The following PFKL variants were observed in gnomAD, a reference collection of about 807,000 sequenced individuals.
PFKL encodes the protein phosphofructokinase, liver type.
PFKL carries 74 observed loss-of-function variants against 92.1 expected under a neutral mutation model. That is an observed-to-expected ratio of 0.80 (90% CI 0.67 to 0.97). PFKL has a LOEUF of 0.97. PFKL is among the 50% of genes least tolerant of loss of function. PFKL has a pLI of 0.00. For synonymous variants in PFKL, 494 were observed against 456.4 expected, an observed-to-expected ratio of 1.08 and a Z score of -1.05; for missense variants, 1,028 against 1,116.6, an observed-to-expected ratio of 0.92 and a Z score of 1.13.
Position 44,323,026 on chromosome 21 carries a change from C to G in PFKL, c.1474C>G (p.Leu492Val), listed in dbSNP as rs1436614793. 1 of 1,613,158 alleles carries G rather than the reference C, an allele frequency of 6.2e-7. No individual in the cohort carries two copies. The highest frequency in any genetic ancestry group is 8.5e-7 in the Non-Finnish European group (1 of 1,179,648). ...ENIRIYGIHA[L>V]LVVGGFEAYE... ...CATCCGCATCTATGGTATTCACGCC[C>G]TGCTGGTGGTCGGTGGGTTTGAGGT... The change falls in exon 15 of 22, where the codon CTG becomes GTG. Residue 492 changes from leucine (L) to valine (V), a missense_variant. Transcript: ENST00000349048.
intron 7 of PFKL, chr21:44,314,754 G>T (rs2047153963): frequency 6.6e-6 from 1 of 152,472 alleles, no homozygotes; most frequent in African/African-American, 2.4e-5. Flanking sequence ...CCCTTGGTGG[G>T]GTGGGGCTCA....
chr21:44,307,842 G>A (rs549559049), intron 2 of PFKL, among the ~76,000 whole-genome samples: 3 of 152,334 alleles, frequency 2.0e-5, no homozygotes, highest in African/African-American at 4.8e-5. Context: ...CCACCTGCTC[G>A]ACCTTCAGTT....
At position 44,325,178 on chromosome 21, in the gene PFKL, A is replaced by G. The variant is rs1265525886; in HGVS notation, c.1903A>G (p.Thr635Ala). Residue 635 changes from threonine (T) to alanine (A), a missense_variant, in exon 19 of 22, where the codon ACC becomes GCC. By Grantham distance (58) the Thr-to-Ala change is moderately conservative. Coordinates refer to ENST00000349048, the MANE Select transcript of PFKL (RefSeq NM_002626.6). ...LRNEKCHDYY[T>A]TEFLYNLYSS... ...GAACGAGAAGTGCCATGACTACTAC[A>G]CCACGGAGTTCCTGTACAACCTGTA... 6.2e-7 allele frequency: 1 copy of G among 1,612,562 alleles called. No individual in the cohort carries two copies. The highest frequency in any genetic ancestry group is 8.5e-7 in the Non-Finnish European group (1 of 1,179,314).
At chr21:44,324,729 C>G (rs2146025878) in intron 17 of PFKL, 74 bp downstream of exon 17, 2 of 1,555,940 alleles carry the variant, frequency 1.3e-6, no homozygotes, top group East Asian at 4.5e-5. Flanking sequence ...TCAGGCCGGC[C>G]AGCGCAGGGC....
intron 15 of PFKL, among the ~76,000 whole-genome samples, chr21:44,323,361 G>A (rs895648366): frequency 2.0e-5 from 3 of 152,186 alleles, no homozygotes; most frequent in African/African-American, 4.8e-5. Flanking sequence ...AAGGGGACTC[G>A]GAAGCTGGAG....
At chr21:44,326,332 G>T in intron 21 of PFKL, 68 bp downstream of exon 21, 8 of 1,197,010 alleles carry the variant, frequency 6.7e-6, no homozygotes, top group Middle Eastern at 2.2e-4. Flanking sequence ...CCCTGAGGCA[G>T]GTGTGCCAGG....
Position 44,312,115 on chromosome 21 carries a change from T to A in PFKL, c.248T>A (p.Ile83Asn). 2 of 1,556,832 alleles carry A rather than the reference T, an allele frequency of 1.3e-6. No homozygotes were observed. The highest frequency in any genetic ancestry group is 1.7e-6 in the Non-Finnish European group (2 of 1,151,972). Reference sequence around the variant, plus strand: ...GTCTCCTCTGTGCAGGGCGGCACTATCATTGGCAGCGCTCGCTGCAAGGCC... The same window carrying A: ...GTCTCCTCTGTGCAGGGCGGCACTAACATTGGCAGCGCTCGCTGCAAGGCC... ...VSNIIQLGGTIIGSARCKAFT... is the reference protein window; with the variant it reads ...VSNIIQLGGTNIGSARCKAFT... Residue 83 changes from isoleucine to asparagine, a missense_variant, in exon 4 of 22, where the codon ATC (isoleucine) becomes AAC (asparagine). By Grantham distance (149) the Ile-to-Asn change is moderately radical. Transcript: ENST00000349048.
chr21:44,319,586 G>A (rs572628120), intron 11 of PFKL, 171 bp downstream of exon 11: 6 of 635,626 alleles, frequency 9.4e-6, no homozygotes, highest in Non-Finnish European at 1.4e-5. Context: ...GGGCTGGGAG[G>A]TGTGGTACCA....
chr21:44,303,410 C>CAA (rs1190805609), intron 1 of PFKL, among the ~76,000 whole-genome samples: 5 of 9,134 alleles, frequency 5.5e-4, no homozygotes, highest in African/African-American at 2.2e-3. Context: ...GACTCTGTCT[C>CAA]AAAAAAAAAA....
At chr21:44,317,894 G>A (rs1333275697) in intron 9 of PFKL, among the ~76,000 whole-genome samples, 11 of 152,202 alleles carry the variant, frequency 7.2e-5, no homozygotes, top group Non-Finnish European at 1.5e-5. Context: ...TGTGGCCCCG[G>A]GGGTCCAGCT....
chr21:44,306,620 G>T, intron 1 of PFKL, 61 bp from the exon 2 acceptor site: 1 of 1,459,846 alleles, frequency 6.9e-7, no homozygotes, highest in Non-Finnish European at 9.5e-7. Flanking sequence ...CTGAGATGGG[G>T]AGGGTGTCCA....
intron 18 of PFKL, 22 bp downstream of exon 18, chr21:44,324,939 G>A: frequency 1.3e-6 from 2 of 1,588,190 alleles, no homozygotes; most frequent in African/African-American, 1.3e-5. Context: ...GTGGGTCCCT[G>A]GCCACAGCTG....
Position 44,325,200 on chromosome 21 carries a change from T to C in PFKL, c.1925T>C (p.Leu642Pro). Reference protein sequence around the residue: ...DYYTTEFLYNLYSSEGKGVFD... With the variant: ...DYYTTEFLYNPYSSEGKGVFD... ...TACACCACGGAGTTCCTGTACAACC[T>C]GTACTCATCAGAGGGCAAGGGCGTC... Residue 642 changes from leucine to proline, a missense_variant, in exon 19 of 22, where the codon CTG becomes CCG. Transcript: ENST00000349048. 6.2e-7 allele frequency: 1 copy of C among 1,613,168 alleles called. No individual in the cohort carries two copies. Among genetic ancestry groups the C allele is most frequent in the South Asian group, 1.1e-5 (1 of 91,088 alleles).
chr21:44,322,260 C>T (rs377372056), intron 14 of PFKL, 57 bp downstream of exon 14: 1 of 1,512,252 alleles, frequency 6.6e-7, no homozygotes. Context: ...AGTATCCAGG[C>T]CCTGCAGGTG....
In PFKL at chr21:44,312,994, T is replaced by C; in HGVS notation, c.444T>C (p.Thr148=). 2 of 1,612,930 alleles carry C rather than the reference T, an allele frequency of 1.2e-6. No homozygotes were observed. Among genetic ancestry groups the C allele is most frequent in the African/African-American group, 2.7e-5 (2 of 75,026 alleles). ...ELVAEGKISE[T]TARTYSHLNI... is the part of the protein sequence containing the mutation. ...CTGGCCCAGGTAAGATCTCAGAGACTACAGCCCGGACCTACTCGCACCTGA... is the reference window on the plus strand; with the variant it reads ...CTGGCCCAGGTAAGATCTCAGAGACCACAGCCCGGACCTACTCGCACCTGA... Residue 148 remains threonine (T), a synonymous_variant, in exon 5 of 22, where the codon ACT becomes ACC. Transcript: ENST00000349048.
chr21:44,325,654 TG>T (rs2047485842), intron 19 of PFKL: 2 of 493,996 alleles, frequency 4.0e-6, no homozygotes, highest in African/African-American at 3.8e-5. Context: ...TGGCTGGGCA[TG>T]GGGCCCGAGG....
intron 1 of PFKL, chr21:44,305,460 C>CA: frequency 9.8e-7 from 1 of 1,017,380 alleles, no homozygotes; most frequent in Admixed American, 2.4e-5. Flanking sequence ...GGTGGGAGGG[C>CA]AGGGGCTTTT....
rs1568961874 is a variant in PFKL at position 44,318,607 on chromosome 21, G to GCCCCCCCCATCAGAACCGCCTGGC, written c.1062+16_1062+39dup. On this transcript the variant is annotated intron_variant, in intron 10 of 21. Coordinates refer to ENST00000349048, the MANE Select transcript of PFKL (RefSeq NM_002626.6). ...AGTGCGTGCAGATGGTAAGCCCTGGGCCCCCCCCATCAGAACCGCCTGGCC... is the reference window on the plus strand; with the variant it reads ...AGTGCGTGCAGATGGTAAGCCCTGGGCCCCCCCCATCAGAACCGCCTGGCCCCCCCCCATCAGAACCGCCTGGCC... The GCCCCCCCCATCAGAACCGCCTGGC allele has an allele frequency of 6.9e-7, 1 of 1,459,108 alleles. No homozygotes were observed. The highest frequency in any genetic ancestry group is 2.2e-5 in the Admixed American group (1 of 46,386). 90.4% of individuals were successfully genotyped at this position (1,459,108 alleles called of 1,614,324 possible).
intron 7 of PFKL, 195 bp from the exon 8 acceptor site, chr21:44,316,048 CG>C: frequency 1.7e-6 from 1 of 598,818 alleles, no homozygotes; most frequent in Middle Eastern, 4.4e-4. Flanking sequence ...TCCAGGAGGG[CG>C]GGGCGTCCTA....
Sources: gnomAD v4.1 joint callset for allele counts (sites outside exome capture counted in the v4.1 genomes callset) on GRCh38, gnomAD v4.1.1 for gene constraint, MANE v1.5 for transcripts, NCBI Gene and HGNC (gene_info 2026-07-23, HGNC 2026-07-21) for gene names.